SLC35F1: variants seen among roughly 807,000 people sequenced by gnomAD.
SLC35F1 encodes chromosome 6 open reading frame 169.
A neutral mutation model predicts 48.7 loss-of-function variants in SLC35F1; 14 were observed. The ratio of observed to expected loss-of-function variants is 0.29; its 90% CI spans 0.19 to 0.45. The LOEUF (loss-of-function observed/expected upper bound fraction) is 0.45. Ranked by LOEUF, SLC35F1 falls within the 20% of genes least tolerant of loss-of-function variation. The pLI is 1.00. For missense variants in SLC35F1, 404 were observed against 500.0 expected (o/e 0.81, Z 1.83); for synonymous variants, 190 against 202.2 (o/e 0.94, Z 0.51).
chr6:118,053,227 A>G (rs916557782), intron 1 of SLC35F1, among the ~76,000 whole-genome samples: 1 of 152,194 alleles, frequency 6.6e-6, no homozygotes, highest in African/African-American at 2.4e-5. Context: ...GGCACTCCAA[A>G]CAGAGGATGT....
rs373505958 is a variant in SLC35F1, at chr6:118,015,397, A to C, written c.173+107498A>C. 1.1e-3 allele frequency among the ~76,000 whole-genome samples: 168 copies of C among 151,930 alleles called. 1 individual carries two copies. Among genetic ancestry groups the C allele is most frequent in the African/African-American group, 3.9e-3 (163 of 41,450 alleles). ...TACAGATTATTTTGTCACCCAGGTA[A>C]TAAGCCTAGTACCCAATAGTTATTT... On this transcript the variant is annotated intron_variant, in intron 1 of 7. Transcript: ENST00000360388.
rs1300700675 is a variant in SLC35F1 at position 118,316,740 on chromosome 6, T to C, written c.*2488T>C. 1 of 152,228 alleles carries C rather than the reference T, an allele frequency of 6.6e-6. No individual in the cohort carries two copies. The highest frequency in any genetic ancestry group is 6.5e-5 in the Admixed American group (1 of 15,284). The allele number at this position is 152,228 out of a possible 1,614,324, so 9.4% of individuals were successfully genotyped here. Reference sequence around the variant, plus strand: ...GGATATTTTAATTGACTCCATTGTATGGAAACCAAGTGTGAATGTTAAGAT... The same window carrying C: ...GGATATTTTAATTGACTCCATTGTACGGAAACCAAGTGTGAATGTTAAGAT... On this transcript the variant is annotated 3_prime_UTR_variant, in exon 8 of 8. Coordinates refer to ENST00000360388, the MANE Select transcript of SLC35F1 (RefSeq NM_001029858.4).
At chr6:118,168,417 T>A (rs149054967) in intron 2 of SLC35F1, among the ~76,000 whole-genome samples, 1 of 152,258 alleles carries the variant, frequency 6.6e-6, no homozygotes, top group African/African-American at 2.4e-5. Context: ...ATTTAACTTA[T>A]AAATTAGGCA....
At chr6:118,097,573 A>T (rs1289026005) in intron 1 of SLC35F1, among the ~76,000 whole-genome samples, 1 of 152,204 alleles carries the variant, frequency 6.6e-6, no homozygotes, top group East Asian at 1.9e-4. Flanking sequence ...AGCTGTCATG[A>T]ATGGGAAATC....
At chr6:118,240,845 G>A (rs1230744484) in intron 3 of SLC35F1, among the ~76,000 whole-genome samples, 2 of 152,134 alleles carry the variant, frequency 1.3e-5, no homozygotes, top group Non-Finnish European at 2.9e-5. Context: ...TCGTGTCTGG[G>A]CAAGGACACC....
At chr6:118,178,379 A>T (rs901705413) in intron 2 of SLC35F1, among the ~76,000 whole-genome samples, 1 of 152,038 alleles carries the variant, frequency 6.6e-6, no homozygotes, top group Non-Finnish European at 1.5e-5. Flanking sequence ...GAGTTTTCAT[A>T]TCCTTTTTAC....
At chr6:118,054,787 C>T (rs1477334355) in intron 1 of SLC35F1, among the ~76,000 whole-genome samples, 3 of 150,014 alleles carry the variant, frequency 2.0e-5, no homozygotes, top group East Asian at 2.0e-4. Context: ...TCTTTTCTTT[C>T]TTTTTTTTTG....
At chr6:118,306,458 CTT>C (rs1298544872) in intron 7 of SLC35F1, among the ~76,000 whole-genome samples, 3 of 152,216 alleles carry the variant, frequency 2.0e-5, no homozygotes, top group Middle Eastern at 3.2e-3. Flanking sequence ...AATTCAGTCT[CTT>C]ACAAAATTGC....
chr6:117,954,109 A>C lies in SLC35F1; in HGVS notation c.173+46210A>C, dbSNP rs763349976. Reference sequence around the variant, plus strand: ...GTCATATTTTTGTTAAAGCAAACTGATGCTTTATAGCAATCTTAACAGGTT... The same window carrying C: ...GTCATATTTTTGTTAAAGCAAACTGCTGCTTTATAGCAATCTTAACAGGTT... On this transcript the variant is annotated intron_variant, in intron 1 of 7. Transcript: ENST00000360388. Among the ~76,000 whole-genome samples, 14 of 152,220 alleles carry C rather than the reference A, an allele frequency of 9.2e-5. No individual in the cohort carries two copies. The South Asian group carries it at 1.2e-3, about 14-fold the overall frequency.
At chr6:117,988,623 T>C (rs993194469) in intron 1 of SLC35F1, among the ~76,000 whole-genome samples, 30 of 152,222 alleles carry the variant, frequency 2.0e-4, no homozygotes, top group Admixed American at 1.3e-3. Flanking sequence ...ATGTTATTAA[T>C]ATTGACCAGC....
chr6:118,013,699 C>G (rs1365625396), intron 1 of SLC35F1, among the ~76,000 whole-genome samples: 1 of 152,144 alleles, frequency 6.6e-6, no homozygotes, highest in Non-Finnish European at 1.5e-5. Context: ...TAAAACTACT[C>G]TACTTGGATT....
At chr6:118,025,703 A>C (rs1038453318) in intron 1 of SLC35F1, among the ~76,000 whole-genome samples, 9 of 152,212 alleles carry the variant, frequency 5.9e-5, no homozygotes, top group African/African-American at 1.9e-4. Context: ...TTTTGATTAT[A>C]ATCCCACACC....
chr6:118,223,012 G>T (rs1254498002), intron 2 of SLC35F1, among the ~76,000 whole-genome samples: 3 of 152,120 alleles, frequency 2.0e-5, no homozygotes, highest in Non-Finnish European at 1.5e-5. Context: ...TATGGTGCTT[G>T]TTGTCCCTAG....
At chr6:118,271,252 A>G (rs142922846) in intron 4 of SLC35F1, among the ~76,000 whole-genome samples, 2 of 152,286 alleles carry the variant, frequency 1.3e-5, no homozygotes, top group Non-Finnish European at 1.5e-5. Flanking sequence ...GATAAGCAAT[A>G]TGTTTAAGGG....
intron 1 of SLC35F1, among the ~76,000 whole-genome samples, chr6:118,120,860 A>C (rs1773543799): frequency 6.6e-6 from 1 of 152,152 alleles, no homozygotes; most frequent in Admixed American, 6.5e-5. Flanking sequence ...CAGGACTCTC[A>C]ATGTAGAACT....
At chr6:118,138,770 C>A (rs902572874) in intron 1 of SLC35F1, among the ~76,000 whole-genome samples, 2 of 151,832 alleles carry the variant, frequency 1.3e-5, no homozygotes, top group Non-Finnish European at 1.5e-5. Context: ...CCAAAATAAT[C>A]CATTTCATGC....
At chr6:118,305,939 A>G (rs1294923679) in intron 7 of SLC35F1, among the ~76,000 whole-genome samples, 2 of 152,154 alleles carry the variant, frequency 1.3e-5, no homozygotes, top group East Asian at 3.9e-4. Flanking sequence ...GGTCAAGTAC[A>G]CTAATAGTAC....
At chr6:117,966,142 C>T (rs59804572) in intron 1 of SLC35F1, among the ~76,000 whole-genome samples, 47,341 of 134,780 alleles carry the variant, frequency 0.35, 11,174 homozygotes, top group East Asian at 0.49. Context: ...CCCCCCCCCC[C>T]ACTCCCGCCC....
intron 1 of SLC35F1, among the ~76,000 whole-genome samples, chr6:118,140,015 G>A (rs1305367681): frequency 1.3e-5 from 2 of 152,042 alleles, no homozygotes; most frequent in Non-Finnish European, 2.9e-5. Flanking sequence ...AAAAATGGAT[G>A]AAGCCATTCC....
Sources: gnomAD v4.1 joint callset for allele counts (sites outside exome capture counted in the v4.1 genomes callset) on GRCh38, gnomAD v4.1.1 for gene constraint, MANE v1.5 for transcripts, NCBI Gene and HGNC (gene_info 2026-07-23, HGNC 2026-07-21) for gene names.